ASXL2: variants seen among roughly 807,000 people sequenced by gnomAD.
ASXL2 encodes the protein putative Polycomb group protein ASXL2.
A neutral mutation model predicts 122.0 loss-of-function variants in ASXL2; 23 were observed. The observed-to-expected ratio is 0.19, with a 90% CI of 0.14 to 0.27. The LOEUF (loss-of-function observed/expected upper bound fraction) is 0.27, where lower values mean the gene tolerates loss of function less well. Among genes scored for constraint, ASXL2 ranks in the 10% least tolerant of loss-of-function variants. ASXL2 has a pLI of 1.00. For synonymous variants in ASXL2, 650 were observed against 637.0 expected (o/e 1.02, Z -0.31); for missense variants, 1,518 against 1,713.8 (o/e 0.89, Z 2.02).
intron 4 of ASXL2, among the ~76,000 whole-genome samples, chr2:25,803,553 G>A (rs2089031845): frequency 1.3e-5 from 2 of 152,138 alleles, no homozygotes; most frequent in Admixed American, 1.3e-4. Flanking sequence ...TACAGCAGTG[G>A]TCCCCAACCT....
chr2:25,780,271 CTTTGA>C (rs1180722075), intron 5 of ASXL2: 3 of 151,146 alleles, frequency 2.0e-5, no homozygotes, highest in Non-Finnish European at 4.4e-5. Flanking sequence ...GCGGGAGCCA[CTTTGA>C]TTTAAGTGAA....
chr2:25,759,423 C>A, intron 9 of ASXL2, 59 bp downstream of exon 9: 3 of 1,499,220 alleles, frequency 2.0e-6, no homozygotes, highest in Non-Finnish European at 1.8e-6. Context: ...CCATTAATAC[C>A]ACTTTACAAG....
intron 4 of ASXL2, among the ~76,000 whole-genome samples, chr2:25,800,572 T>C (rs2088981125): frequency 6.6e-6 from 1 of 152,306 alleles, no homozygotes; most frequent in Middle Eastern, 3.4e-3. Context: ...GTTTCTGCAC[T>C]GAGAGAGAAT....
intron 1 of ASXL2, among the ~76,000 whole-genome samples, chr2:25,845,854 T>A (rs1445393107): frequency 1.3e-5 from 2 of 152,164 alleles, no homozygotes; most frequent in Admixed American, 6.6e-5. Context: ...ATGATTATAA[T>A]AAAATTAAAG....
At chr2:25,756,865 C>T (rs1574399278) in intron 9 of ASXL2, among the ~76,000 whole-genome samples, 1 of 152,198 alleles carries the variant, frequency 6.6e-6, no homozygotes, top group African/African-American at 2.4e-5. Context: ...TTGCTGACTG[C>T]TGATTCATAC....
intron 3 of ASXL2, among the ~76,000 whole-genome samples, chr2:25,818,405 G>T (rs887973270): frequency 3.3e-5 from 5 of 152,134 alleles, no homozygotes; most frequent in African/African-American, 1.2e-4. Flanking sequence ...CAGCTACTCG[G>T]GAGGCTGAGG....
rs78705546 is a variant in ASXL2, at chr2:25,838,448, C to T, written c.141-2908G>A. Reference sequence around the variant, plus strand: ...TGGTCTTCTGATCAGACCATAAGAACTATAGAAGTGTATAGCTCAGAGACT... The same window carrying T: ...TGGTCTTCTGATCAGACCATAAGAATTATAGAAGTGTATAGCTCAGAGACT... On this transcript the variant is annotated intron_variant, in intron 2 of 12. Coordinates refer to ENST00000435504, the MANE Select transcript of ASXL2 (RefSeq NM_018263.6). Among the ~76,000 whole-genome samples, 1,013 of 152,304 alleles carry T rather than the reference C, an allele frequency of 6.7e-3. 16 individuals are homozygous for T. Among genetic ancestry groups the T allele is most frequent in the African/African-American group, 0.023 (971 of 41,564 alleles).
intron 9 of ASXL2, among the ~76,000 whole-genome samples, chr2:25,756,488 AG>A (rs1226625876): frequency 1.3e-5 from 2 of 151,524 alleles, no homozygotes; most frequent in African/African-American, 2.4e-5. Context: ...AAAAAAAAAA[AG>A]AAGGATGGAC....
rs192200822 is a variant in ASXL2, at chr2:25,743,945, T to C, written c.2392A>G (p.Ile798Val). The change falls in exon 13 of 13, where the codon ATA becomes GTA. Residue 798 changes from isoleucine (I) to valine (V), a missense_variant. Around this residue, in one of 8 missense-constraint regions of ASXL2, gnomAD observed 831 missense variants for 833.1 expected, o/e 1.00. Coordinates refer to ENST00000435504, the MANE Select transcript of ASXL2 (RefSeq NM_018263.6). ...AGTTTTTCATTATCCAATTTCTCTA[T>C]GTGGGCTGGTGATGGGACACTTGTG... ...ACTSVPSPAH[I>V]EKLDNEKLNP... is the part of the protein sequence containing the mutation. 972 of 1,613,990 alleles carry C rather than the reference T, an allele frequency of 6.0e-4. 1 individual carries two copies. The highest frequency in any genetic ancestry group is 5.8e-3 in the African/African-American group (434 of 75,036).
intron 1 of ASXL2, among the ~76,000 whole-genome samples, chr2:25,856,126 G>C (rs951997297): frequency 6.6e-6 from 1 of 150,758 alleles, no homozygotes; most frequent in Non-Finnish European, 1.5e-5. Flanking sequence ...GTGCAATCTC[G>C]GGTCACTGCA....
At chr2:25,869,505 CCTT>C (rs1285371117) in intron 1 of ASXL2, among the ~76,000 whole-genome samples, 2 of 152,114 alleles carry the variant, frequency 1.3e-5, no homozygotes, top group Non-Finnish European at 2.9e-5. Context: ...GACAGAATTT[CCTT>C]CTTCTTGTCC....
intron 1 of ASXL2, among the ~76,000 whole-genome samples, chr2:25,869,815 C>CA (rs1164833458): frequency 1.0e-4 from 13 of 126,524 alleles, no homozygotes; most frequent in East Asian, 2.3e-4. Context: ...GACCCTGTTT[C>CA]AAAAAAAAAA....
intron 8 of ASXL2, among the ~76,000 whole-genome samples, chr2:25,765,286 C>T (rs1407183571): frequency 6.6e-6 from 1 of 152,028 alleles, no homozygotes; most frequent in East Asian, 1.9e-4. Flanking sequence ...GAGATCAAGA[C>T]CATCCTGGCT....
chr2:25,872,197 C>T (rs1033633212), intron 1 of ASXL2, among the ~76,000 whole-genome samples: 2 of 152,126 alleles, frequency 1.3e-5, no homozygotes, highest in Non-Finnish European at 2.9e-5. Context: ...GGCTGGGCAG[C>T]ATGGCAAAAC....
At chr2:25,777,485 A>AT in intron 5 of ASXL2, among the ~76,000 whole-genome samples, 1 of 151,962 alleles carries the variant, frequency 6.6e-6, no homozygotes. Context: ...AGAAAAAAAA[A>AT]TTTTTTAATT....
chr2:25,756,453 C>CA (rs554502367), intron 9 of ASXL2, among the ~76,000 whole-genome samples: 411 of 23,254 alleles, frequency 0.018, 3 homozygotes, highest in East Asian at 0.055. Context: ...CAGATAATGA[C>CA]AAAAAAAAAA....
At chr2:25,790,297 G>C (rs940912594) in intron 5 of ASXL2, among the ~76,000 whole-genome samples, 2 of 131,914 alleles carry the variant, frequency 1.5e-5, no homozygotes, top group Admixed American at 1.6e-4. Context: ...TGAGGTGGTG[G>C]TGATATGAGT....
chr2:25,799,474 T>C lies in ASXL2; in HGVS notation c.314A>G (p.Gln105Arg), dbSNP rs1410610996. The C allele has an allele frequency of 3.1e-6, 5 of 1,614,014 alleles. No individual in the cohort carries two copies. The highest frequency in any genetic ancestry group is 4.2e-6 in the Non-Finnish European group (5 of 1,179,900). ...SEGSEESSDG[Q>R]SDSQSSENSS... The stretch of plus-strand genomic sequence containing the variant: ...GTTCTCAGAACTCTGGGAATCTGAC[T>C]GACCATCACTGCTTTCTTCTGAACC... The change falls in exon 5 of 13, where the codon CAG becomes CGG. Residue 105 changes from glutamine to arginine, a missense_variant. Transcript: ENST00000435504.
At chr2:25,861,286 A>G (rs997996718) in intron 1 of ASXL2, among the ~76,000 whole-genome samples, 11 of 152,132 alleles carry the variant, frequency 7.2e-5, no homozygotes, top group African/African-American at 2.7e-4. Context: ...GAAAGAAGAA[A>G]TATCACTACA....
Sources: gnomAD v4.1 joint callset for allele counts (sites outside exome capture counted in the v4.1 genomes callset) on GRCh38, gnomAD v4.1.1 for gene constraint, gnomAD v4.1.1 regional missense constraint, MANE v1.5 for transcripts, NCBI Gene and HGNC (gene_info 2026-07-23, HGNC 2026-07-21) for gene names.